RBMS3: variants seen among roughly 807,000 people sequenced by gnomAD.
RBMS3 encodes RNA binding motif single stranded interacting protein 3.
In RBMS3, 27 loss-of-function variants were observed where a neutral mutation model predicts 66.8. The ratio of observed to expected loss-of-function variants is 0.40; its 90% confidence interval spans 0.30 to 0.56. The LOEUF is 0.56. Among genes scored for constraint, RBMS3 ranks in the 20% least tolerant of loss-of-function variants. The pLI is 0.40. For missense variants in RBMS3, 513 were observed against 549.5 expected (o/e 0.93, Z 0.66); for synonymous variants, 188 against 183.0 (o/e 1.03, Z -0.22).
chr3:29,293,359 C>T (rs1004151684), intron 1 of RBMS3, among the ~76,000 whole-genome samples: 1 of 151,778 alleles, frequency 6.6e-6, no homozygotes, highest in African/African-American at 2.4e-5. Context: ...ATGAGAACCA[C>T]ACAGTACCAA....
intron 12 of RBMS3, among the ~76,000 whole-genome samples, chr3:29,962,748 C>G (rs1696569942): frequency 6.6e-6 from 1 of 152,052 alleles, no homozygotes; most frequent in Non-Finnish European, 1.5e-5. Flanking sequence ...TGATTATTCA[C>G]TGTTTGTATT....
chr3:29,799,393 A>C (rs1311402582), intron 6 of RBMS3, among the ~76,000 whole-genome samples: 1 of 152,196 alleles, frequency 6.6e-6, no homozygotes, highest in Non-Finnish European at 1.5e-5. Flanking sequence ...TCAAATATTT[A>C]CACCTAATAA....
intron 1 of RBMS3, chr3:29,391,039 G>T: frequency 2.6e-6 from 1 of 391,214 alleles, no homozygotes; most frequent in South Asian, 2.1e-5. Flanking sequence ...CAAGTTGGTG[G>T]AGGCCCTTTG....
intron 1 of RBMS3, among the ~76,000 whole-genome samples, chr3:29,295,912 C>T (rs916185027): frequency 4.6e-5 from 7 of 151,682 alleles, no homozygotes; most frequent in African/African-American, 9.7e-5. Context: ...TGATGAGTTT[C>T]GTATTACACA....
At chr3:29,578,606 T>C (rs576473112) in intron 3 of RBMS3, among the ~76,000 whole-genome samples, 1 of 152,122 alleles carries the variant, frequency 6.6e-6, no homozygotes, top group Non-Finnish European at 1.5e-5. Context: ...TGTAGTTAGA[T>C]AGAACCTTTT....
At chr3:29,307,903 T>C (rs2034116386) in intron 1 of RBMS3, among the ~76,000 whole-genome samples, 1 of 151,832 alleles carries the variant, frequency 6.6e-6, no homozygotes. Context: ...ATTAAATTCA[T>C]TTTGTTATAT....
intron 11 of RBMS3, among the ~76,000 whole-genome samples, chr3:29,942,144 C>G (rs576553723): frequency 1.3e-5 from 2 of 151,756 alleles, no homozygotes; most frequent in Non-Finnish European, 2.9e-5. Flanking sequence ...CATAATCCAT[C>G]CATAAACCAG....
intron 8 of RBMS3, among the ~76,000 whole-genome samples, chr3:29,896,450 T>A (rs1052091206): frequency 6.6e-6 from 1 of 151,588 alleles, no homozygotes; most frequent in Non-Finnish European, 1.5e-5. Context: ...TCACATGCAT[T>A]TTTCCAACCT....
At chr3:29,709,691 G>A (rs2053072940) in intron 4 of RBMS3, among the ~76,000 whole-genome samples, 1 of 152,248 alleles carries the variant, frequency 6.6e-6, no homozygotes, top group South Asian at 2.1e-4. Context: ...AATCTCTTAT[G>A]TTTGTCCCCG....
chr3:29,700,389 G>T (rs1340143342), intron 4 of RBMS3, among the ~76,000 whole-genome samples: 2 of 152,184 alleles, frequency 1.3e-5, no homozygotes, highest in African/African-American at 4.8e-5. Context: ...CATTGAGGCA[G>T]GTTGTAGAAC....
intron 12 of RBMS3, among the ~76,000 whole-genome samples, chr3:29,983,485 A>C (rs1698148144): frequency 6.6e-6 from 1 of 152,126 alleles, no homozygotes; most frequent in African/African-American, 2.4e-5. Flanking sequence ...TTTGCCCATT[A>C]GTTGATGCAG....
intron 4 of RBMS3, among the ~76,000 whole-genome samples, chr3:29,665,316 T>C (rs1473791940): frequency 1.3e-5 from 2 of 152,216 alleles, no homozygotes; most frequent in Non-Finnish European, 2.9e-5. Flanking sequence ...TTATATACGA[T>C]TGATTTATTT....
intron 3 of RBMS3, among the ~76,000 whole-genome samples, chr3:29,508,954 T>C (rs923588655): frequency 1.3e-5 from 2 of 151,852 alleles, no homozygotes; most frequent in Non-Finnish European, 2.9e-5. Context: ...TGACCAGTGA[T>C]GATGAGCTTT....
At chr3:29,643,250 T>G (rs1236739956) in intron 4 of RBMS3, among the ~76,000 whole-genome samples, 3 of 152,202 alleles carry the variant, frequency 2.0e-5, no homozygotes, top group Middle Eastern at 6.8e-3. Flanking sequence ...TCCAGTAATC[T>G]AGTCAGAATG....
At chr3:29,723,958 G>A (rs895821576) in intron 4 of RBMS3, among the ~76,000 whole-genome samples, 5 of 151,550 alleles carry the variant, frequency 3.3e-5, no homozygotes, top group African/African-American at 7.3e-5. Context: ...CAGCTTCTTC[G>A]GTGTAATAGC....
At chr3:29,684,466 A>G (rs1057371505) in intron 4 of RBMS3, among the ~76,000 whole-genome samples, 3 of 152,180 alleles carry the variant, frequency 2.0e-5, no homozygotes, top group African/African-American at 7.2e-5. Flanking sequence ...CATTTATGGA[A>G]TCAATTAAAA....
At chr3:29,363,226 A>G (rs1217763406) in intron 1 of RBMS3, among the ~76,000 whole-genome samples, 1 of 152,164 alleles carries the variant, frequency 6.6e-6, no homozygotes, top group Non-Finnish European at 1.5e-5. Context: ...CAATGTGTTT[A>G]TTTTACGATG....
intron 8 of RBMS3, 102 bp downstream of exon 8, chr3:29,884,310 A>G: frequency 9.1e-7 from 1 of 1,093,386 alleles, no homozygotes; most frequent in Non-Finnish European, 1.3e-6. Context: ...TTTGTTTTAC[A>G]TCCTTAAACA....
At chr3:29,392,087 T>C (rs1575692058) in intron 1 of RBMS3, among the ~76,000 whole-genome samples, 1 of 151,834 alleles carries the variant, frequency 6.6e-6, no homozygotes, top group Non-Finnish European at 1.5e-5. Context: ...CCATCTCTGC[T>C]AAAAATACAA....
Sources: gnomAD v4.1 joint callset for allele counts (sites outside exome capture counted in the v4.1 genomes callset) on GRCh38, gnomAD v4.1.1 for gene constraint, MANE v1.5 for transcripts, NCBI Gene and HGNC (gene_info 2026-07-23, HGNC 2026-07-21) for gene names.